Variants in HS6ST3 observed in about 807,000 individuals in gnomAD.
HS6ST3 encodes heparan-sulfate 6-O-sulfotransferase 3.
In HS6ST3, 12 loss-of-function variants were observed where a neutral mutation model predicts 36.7. The observed-to-expected ratio is 0.33, with a 90% CI of 0.21 to 0.53. The LOEUF (loss-of-function observed/expected upper bound fraction) is 0.53, where lower values mean the gene tolerates loss of function less well. Ranked by LOEUF, HS6ST3 falls within the 20% of genes least tolerant of loss-of-function variation. The pLI is 0.95. For missense variants in HS6ST3, 584 were observed against 640.9 expected (o/e 0.91, Z 0.96); for synonymous variants, 240 against 257.5 (o/e 0.93, Z 0.65).
At chr13:96,175,243 C>T (rs1054038813) in intron 1 of HS6ST3, among the ~76,000 whole-genome samples, 1 of 151,990 alleles carries the variant, frequency 6.6e-6, no homozygotes, top group African/African-American at 2.4e-5. Context: ...AATGAAAGTT[C>T]GGGTGAGTGG....
chr13:96,155,151 TG>T (rs527311101), intron 1 of HS6ST3, among the ~76,000 whole-genome samples: 1,767 of 152,286 alleles, frequency 0.012, 20 homozygotes, highest in Non-Finnish European at 0.017. Flanking sequence ...ATAGTTGTAT[TG>T]AGAACTACAA....
At chr13:96,321,679 C>T (rs150315066) in intron 1 of HS6ST3, among the ~76,000 whole-genome samples, 9 of 152,176 alleles carry the variant, frequency 5.9e-5, no homozygotes, top group Non-Finnish European at 1.2e-4. Context: ...TTTAGCCCCT[C>T]TCTTGCCCTT....
chr13:96,420,157 T>C (rs2055555834), intron 1 of HS6ST3, among the ~76,000 whole-genome samples: 1 of 152,186 alleles, frequency 6.6e-6, no homozygotes, highest in Non-Finnish European at 1.5e-5. Flanking sequence ...TCACTTGGTA[T>C]CTGCCTGTGC....
At chr13:96,733,378 A>G (rs534510377) in intron 1 of HS6ST3, among the ~76,000 whole-genome samples, 26 of 152,194 alleles carry the variant, frequency 1.7e-4, no homozygotes, top group Non-Finnish European at 3.7e-4. Flanking sequence ...TTCTATATCT[A>G]TTAAAATGAT....
chr13:96,158,195 G>T (rs1187132628), intron 1 of HS6ST3, among the ~76,000 whole-genome samples: 1 of 152,200 alleles, frequency 6.6e-6, no homozygotes, highest in Non-Finnish European at 1.5e-5. Flanking sequence ...GAGAACTGTG[G>T]TGTGGTTAGA....
At chr13:96,145,338 T>C (rs963634558) in intron 1 of HS6ST3, among the ~76,000 whole-genome samples, 1 of 150,390 alleles carries the variant, frequency 6.6e-6, no homozygotes, top group African/African-American at 2.4e-5. Flanking sequence ...TTTTTAATGA[T>C]TGCCATTCTA....
chr13:96,139,808 A>T (rs116248961), intron 1 of HS6ST3, among the ~76,000 whole-genome samples: 3,048 of 152,192 alleles, frequency 0.02, 87 homozygotes, highest in African/African-American at 0.067. Flanking sequence ...AAAGATTTTT[A>T]AAAAGCAAAG....
intron 1 of HS6ST3, among the ~76,000 whole-genome samples, chr13:96,443,431 C>G (rs916655289): frequency 1.4e-5 from 2 of 147,644 alleles, no homozygotes; most frequent in South Asian, 4.3e-4. Context: ...TCGGGAGGCT[C>G]AGGCAGGAGA....
chr13:96,125,402 C>T (rs2139308507), intron 1 of HS6ST3, among the ~76,000 whole-genome samples: 1 of 152,310 alleles, frequency 6.6e-6, no homozygotes, highest in African/African-American at 2.4e-5. Context: ...AAAATTCTAA[C>T]AAGAATTTAT....
At chr13:96,170,088 G>A (rs1320001389) in intron 1 of HS6ST3, among the ~76,000 whole-genome samples, 6 of 152,172 alleles carry the variant, frequency 3.9e-5, no homozygotes, top group Non-Finnish European at 7.4e-5. Context: ...TCCCATTTGT[G>A]TTGTTTCATG....
intron 1 of HS6ST3, among the ~76,000 whole-genome samples, chr13:96,489,375 A>AACACACACACACACAC (rs67334904): frequency 2.7e-5 from 4 of 148,094 alleles, no homozygotes; most frequent in African/African-American, 9.9e-5. Context: ...TGTATATACA[A>AACACACACACACACAC]ACACACACAC....
chr13:96,749,870 G>C (rs9582061), intron 1 of HS6ST3, among the ~76,000 whole-genome samples: 2 of 151,722 alleles, frequency 1.3e-5, no homozygotes. Flanking sequence ...AGTCATGTCT[G>C]TATGTATATA....
In HS6ST3 at chr13:96,091,104, GACCTCGGGGGGCCGCGGCGCCGGAGGA is replaced by G; in HGVS notation, c.243_269del (p.Pro82_Glu90del). The stretch of plus-strand genomic sequence containing the variant: ...CCGCCGCCCCGGGGGCCCCCCGAGG[GACCTCGGGGGGCCGCGGCGCCGGAGGA>G]GGAGGACGAGGAGCCCGGAGACCCC... On this transcript the variant is annotated inframe_deletion, in exon 1 of 2. Transcript: ENST00000376705. 8.6e-6 allele frequency: 12 copies of G among 1,393,410 alleles called. No individual in the cohort carries two copies. The highest frequency in any genetic ancestry group is 1.1e-5 in the Non-Finnish European group (12 of 1,079,868). The allele number at this position is 1,393,410 out of a possible 1,614,324, so 86.3% of individuals were successfully genotyped here.
At chr13:96,597,498 G>A (rs2056406000) in intron 1 of HS6ST3, among the ~76,000 whole-genome samples, 1 of 151,854 alleles carries the variant, frequency 6.6e-6, no homozygotes, top group South Asian at 2.1e-4. Context: ...GAACAGATAT[G>A]TCTGTTCGTG....
intron 1 of HS6ST3, among the ~76,000 whole-genome samples, chr13:96,385,876 T>C (rs2055365352): frequency 6.6e-6 from 1 of 152,234 alleles, no homozygotes; most frequent in South Asian, 2.1e-4. Context: ...TTGAGTAACT[T>C]GTCCCAGTCA....
At chr13:96,539,210 T>G (rs2056168012) in intron 1 of HS6ST3, among the ~76,000 whole-genome samples, 1 of 152,212 alleles carries the variant, frequency 6.6e-6, no homozygotes, top group South Asian at 2.1e-4. Context: ...GAAAACACTT[T>G]CTGTCAGTTT....
chr13:96,263,298 A>C (rs1487846068), intron 1 of HS6ST3, among the ~76,000 whole-genome samples: 4 of 152,186 alleles, frequency 2.6e-5, no homozygotes, highest in African/African-American at 9.6e-5. Flanking sequence ...ATCCAAACAA[A>C]TGGACTCCCT....
At chr13:96,463,708 G>A (rs1238577071) in intron 1 of HS6ST3, among the ~76,000 whole-genome samples, 4 of 151,930 alleles carry the variant, frequency 2.6e-5, no homozygotes, top group Non-Finnish European at 5.9e-5. Flanking sequence ...ATAACTAGTA[G>A]GCAGATTAAA....
intron 1 of HS6ST3, among the ~76,000 whole-genome samples, chr13:96,794,342 A>G (rs1877861033): frequency 6.6e-6 from 1 of 152,094 alleles, no homozygotes; most frequent in Non-Finnish European, 1.5e-5. Context: ...TCCTCTGTGC[A>G]GGTTAGAATT....
Sources: gnomAD v4.1 joint callset for allele counts (sites outside exome capture counted in the v4.1 genomes callset) on GRCh38, gnomAD v4.1.1 for gene constraint, MANE v1.5 for transcripts, NCBI Gene and HGNC (gene_info 2026-07-23, HGNC 2026-07-21) for gene names.